NCKAP5: variants seen among roughly 807,000 people sequenced by gnomAD.
NCKAP5 encodes the protein nck-associated protein 5.
A neutral mutation model predicts 167.0 loss-of-function variants in NCKAP5; 92 were observed. That is an observed-to-expected ratio of 0.55 (90% CI 0.47 to 0.66). The LOEUF is 0.66. Ranked by LOEUF, NCKAP5 falls within the 30% of genes least tolerant of loss-of-function variation. The pLI, the probability that NCKAP5 is intolerant of heterozygous loss-of-function variation, is 0.00. For synonymous variants in NCKAP5, 891 were observed against 877.4 expected, an observed-to-expected ratio of 1.02 and a Z score of -0.27; for missense variants, 2,378 against 2,315.0, an observed-to-expected ratio of 1.03 and a Z score of -0.56.
chr2:133,413,702 G>A (rs1034397773), intron 3 of NCKAP5, among the ~76,000 whole-genome samples: 1 of 151,914 alleles, frequency 6.6e-6, no homozygotes, highest in Non-Finnish European at 1.5e-5. Context: ...TGGAAGATCC[G>A]GCAACACCAG....
intron 4 of NCKAP5, among the ~76,000 whole-genome samples, chr2:133,278,205 T>C (rs2089806033): frequency 6.6e-6 from 1 of 152,302 alleles, no homozygotes; most frequent in Non-Finnish European, 1.5e-5. Context: ...TTATCGCAAA[T>C]GTAGTGACCT....
intron 5 of NCKAP5, among the ~76,000 whole-genome samples, chr2:133,172,634 C>T (rs1574265867): frequency 6.7e-6 from 1 of 148,364 alleles, no homozygotes; most frequent in East Asian, 2.2e-4. Flanking sequence ...CCACATCTGG[C>T]TAATCGTTTT....
chr2:132,966,100 A>G (rs2076654982), intron 7 of NCKAP5, among the ~76,000 whole-genome samples: 1 of 152,152 alleles, frequency 6.6e-6, no homozygotes, highest in African/African-American at 2.4e-5. Flanking sequence ...GATCTTACAC[A>G]AACTTCCTTT....
the NCKAP5 span, among the ~76,000 whole-genome samples, chr2:133,598,780 A>G: frequency 8.5e-5 from 13 of 152,294 alleles, no homozygotes; most frequent in Non-Finnish European, 1.6e-4. Context: ...TCCATTACAA[A>G]TGACCACAGA....
intron 5 of NCKAP5, among the ~76,000 whole-genome samples, chr2:133,167,588 G>C (rs1007697763): frequency 5.3e-5 from 8 of 152,110 alleles, no homozygotes; most frequent in South Asian, 2.1e-4. Context: ...ATAATGAAGT[G>C]AGGCAACGAA....
chr2:132,949,488 C>T (rs2076117251), intron 8 of NCKAP5, among the ~76,000 whole-genome samples: 1 of 152,174 alleles, frequency 6.6e-6, no homozygotes, highest in South Asian at 2.1e-4. Flanking sequence ...GCTGCTCCTT[C>T]CCACAGAAAC....
chr2:133,548,572 T>G lies in NCKAP5; in HGVS notation c.-62+10478A>C, dbSNP rs1234350111. Among the ~76,000 whole-genome samples, 10 of 151,938 alleles carry G rather than the reference T, an allele frequency of 6.6e-5. No individual in the cohort carries two copies. In the East Asian group the frequency reaches 1.7e-3, roughly 26 times the overall value. On this transcript the variant is annotated intron_variant, in intron 2 of 19. Transcript: ENST00000409261. The stretch of plus-strand genomic sequence containing the variant: ...AGCCAGAACAGAGTGGGGGCCAATA[T>G]TCAACATTCTTAAAGACAAGAATTT...
intron 2 of NCKAP5, among the ~76,000 whole-genome samples, chr2:133,534,937 C>G (rs1685642989): frequency 6.6e-6 from 1 of 152,172 alleles, no homozygotes; most frequent in Non-Finnish European, 1.5e-5. Context: ...ATTTTACATT[C>G]TCACCAGCAG....
At chr2:133,312,180 C>T (rs76148676) in intron 3 of NCKAP5, among the ~76,000 whole-genome samples, 2,720 of 152,246 alleles carry the variant, frequency 0.018, 69 homozygotes, top group African/African-American at 0.06. Context: ...ATGGAAATTT[C>T]ATCAGTATGA....
chr2:133,542,175 C>A (rs1686280766), intron 2 of NCKAP5, among the ~76,000 whole-genome samples: 1 of 152,102 alleles, frequency 6.6e-6, no homozygotes, highest in Non-Finnish European at 1.5e-5. Context: ...TTCATGAGAT[C>A]ACAAGCAGTC....
the NCKAP5 span, among the ~76,000 whole-genome samples, chr2:133,627,038 T>C: frequency 6.6e-6 from 1 of 152,058 alleles, no homozygotes; most frequent in African/African-American, 2.4e-5. Flanking sequence ...TTGGTAGAAA[T>C]TAATTTTCCA....
At chr2:133,653,467 T>C in the NCKAP5 span, among the ~76,000 whole-genome samples, 8 of 152,324 alleles carry the variant, frequency 5.3e-5, no homozygotes, top group Admixed American at 4.6e-4. Context: ...AGTAGATACT[T>C]GTTAACCCAT....
At chr2:133,202,478 C>A (rs1488150970) in intron 5 of NCKAP5, among the ~76,000 whole-genome samples, 4 of 152,112 alleles carry the variant, frequency 2.6e-5, no homozygotes, top group African/African-American at 9.7e-5. Context: ...TAGGCATGGA[C>A]AAGGACTTCA....
Position 133,303,126 on chromosome 2 carries a change from A to C in NCKAP5, c.70-16T>G. 6.4e-7 allele frequency: 1 copy of C among 1,561,814 alleles called. No homozygotes were observed. The highest frequency in any genetic ancestry group is 8.7e-7 in the Non-Finnish European group (1 of 1,148,630). The stretch of plus-strand genomic sequence containing the variant: ...CCATGTATTCCTGCACAAGCAGACA[A>C]AGACAGATGAAAACTCACTATGACA... On this transcript the variant is annotated splice_polypyrimidine_tract_variant and intron_variant, in intron 3 of 19. Coordinates refer to ENST00000409261, the MANE Select transcript of NCKAP5 (RefSeq NM_207363.3).
At chr2:133,517,371 A>G in intron 3 of NCKAP5, 87 bp downstream of exon 3, 1 of 622,918 alleles carries the variant, frequency 1.6e-6, no homozygotes, top group Non-Finnish European at 2.5e-6. Context: ...GAGGTTTCAA[A>G]AGCACAGCGT....
chr2:133,158,056 T>C (rs2083642182), intron 5 of NCKAP5, among the ~76,000 whole-genome samples: 1 of 152,158 alleles, frequency 6.6e-6, no homozygotes, highest in South Asian at 2.1e-4. Flanking sequence ...TGCTTCTAAA[T>C]GAAAGAGGAT....
intron 6 of NCKAP5, among the ~76,000 whole-genome samples, chr2:132,994,796 C>T (rs1306653377): frequency 1.3e-5 from 2 of 152,134 alleles, no homozygotes; most frequent in Non-Finnish European, 2.9e-5. Context: ...TTGCAAACAG[C>T]ATAGAGTGTA....
intron 7 of NCKAP5, among the ~76,000 whole-genome samples, chr2:132,975,960 T>C (rs1030607200): frequency 1.3e-5 from 2 of 152,092 alleles, no homozygotes; most frequent in African/African-American, 4.8e-5. Context: ...GGTAGGTGGG[T>C]GGCTAGAGTA....
intron 3 of NCKAP5, among the ~76,000 whole-genome samples, chr2:133,455,573 T>G (rs913335665): frequency 8.5e-5 from 13 of 152,068 alleles, no homozygotes; most frequent in African/African-American, 2.9e-4. Flanking sequence ...GTTTCTCCCT[T>G]TTTTCTTTCG....
Sources: allele counts gnomAD v4.1 joint callset (sites outside exome capture counted in the v4.1 genomes callset), GRCh38; gene constraint gnomAD v4.1.1; transcripts MANE v1.5; gene names NCBI Gene and HGNC (gene_info 2026-07-23, HGNC 2026-07-21).